TULP4: variants seen among roughly 807,000 people sequenced by gnomAD.
TULP4 encodes tubby-related protein 4.
In TULP4, 16 loss-of-function variants were observed where a neutral mutation model predicts 129.0. The observed-to-expected ratio is 0.12, with a 90% CI of 0.08 to 0.19. The LOEUF is 0.19. Ranked by LOEUF, TULP4 falls within the 10% of genes least tolerant of loss-of-function variation. The pLI is 1.00. For missense variants in TULP4, 1,842 were observed against 2,059.1 expected (o/e 0.89, Z 2.04); for synonymous variants, 998 against 854.0 (o/e 1.17, Z -2.94).
At chr6:158,383,401 G>T (rs560183745) in intron 1 of TULP4, among the ~76,000 whole-genome samples, 2 of 152,320 alleles carry the variant, frequency 1.3e-5, no homozygotes, top group South Asian at 4.1e-4. Context: ...ATAATGCAAT[G>T]ATAAAAGTAA....
intron 1 of TULP4, among the ~76,000 whole-genome samples, chr6:158,341,235 A>G (rs976037330): frequency 1.3e-5 from 2 of 152,130 alleles, no homozygotes; most frequent in African/African-American, 4.8e-5. Context: ...AATGTCCTCC[A>G]GTTCCATCCA....
chr6:158,295,736 A>G (rs1296161860), intron 1 of TULP4, among the ~76,000 whole-genome samples: 2 of 152,074 alleles, frequency 1.3e-5, no homozygotes, highest in African/African-American at 2.4e-5. Context: ...AAAAAATACA[A>G]AAAAATTAGC....
Position 158,429,909 on chromosome 6 carries a change from G to A in TULP4, c.543+12G>A. ...CTGACGACCAACAGGTAACACTTCT[G>A]AAATGTGGTGGGTGTGTGACGTTAA... On this transcript the variant is annotated intron_variant, in intron 3 of 13. Transcript: ENST00000367097. 1 of 1,612,630 alleles carries A rather than the reference G, an allele frequency of 6.2e-7. No homozygotes were observed.
intron 1 of TULP4, among the ~76,000 whole-genome samples, chr6:158,299,124 T>C (rs2128474670): frequency 6.6e-6 from 1 of 151,910 alleles, no homozygotes; most frequent in East Asian, 1.9e-4. Context: ...GGAGTATCCA[T>C]ACTAGGCCTC....
intron 4 of TULP4, among the ~76,000 whole-genome samples, chr6:158,449,758 C>G (rs1210368507): frequency 1.3e-5 from 2 of 152,120 alleles, no homozygotes; most frequent in Non-Finnish European, 2.9e-5. Context: ...GTTGAGTACT[C>G]TTGGTGGGGA....
intron 1 of TULP4, among the ~76,000 whole-genome samples, chr6:158,390,051 A>G (rs1777548973): frequency 6.6e-6 from 1 of 151,830 alleles, no homozygotes; most frequent in Admixed American, 6.6e-5. Flanking sequence ...AGCCTGGACG[A>G]CAGAGTGAGA....
In TULP4 at chr6:158,509,149, C is replaced by G. The variant is rs1780674885; in HGVS notation, c.*2455C>G. 1 of 152,016 alleles carries G rather than the reference C, an allele frequency of 6.6e-6. No homozygotes were observed. The highest frequency in any genetic ancestry group is 1.5e-5 in the Non-Finnish European group (1 of 68,024). 9.4% of individuals were successfully genotyped at this position (152,016 alleles called of 1,614,324 possible). ...AGGTGATCCGCCCGCCTCGGCCTCC[C>G]AAAGTGCTGGGATTACAGACGTGAG... On this transcript the variant is annotated 3_prime_UTR_variant, in exon 14 of 14. Transcript: ENST00000367097.
intron 1 of TULP4, among the ~76,000 whole-genome samples, chr6:158,302,454 A>G (rs994214987): frequency 2.0e-5 from 3 of 152,206 alleles, no homozygotes; most frequent in Non-Finnish European, 4.4e-5. Flanking sequence ...ATCAGTTACC[A>G]TCCTCCACTT....
chr6:158,362,247 C>T (rs1053087875), intron 1 of TULP4, among the ~76,000 whole-genome samples: 2 of 152,164 alleles, frequency 1.3e-5, no homozygotes, highest in African/African-American at 2.4e-5. Flanking sequence ...ATGGAAAACA[C>T]CAAACTTCTT....
intron 1 of TULP4, among the ~76,000 whole-genome samples, chr6:158,318,903 T>A (rs983642511): frequency 7.9e-4 from 3 of 3,780 alleles, no homozygotes; most frequent in Non-Finnish European, 1.2e-3. Flanking sequence ...TTACAAATTT[T>A]TTTTTTTTTT....
intron 1 of TULP4, among the ~76,000 whole-genome samples, chr6:158,381,510 A>G (rs926697104): frequency 5.9e-5 from 9 of 152,238 alleles, no homozygotes; most frequent in Non-Finnish European, 1.3e-4. Context: ...GTGAAAAACA[A>G]TTGGTTTTCA....
intron 1 of TULP4, among the ~76,000 whole-genome samples, chr6:158,250,612 T>C (rs1463130792): frequency 6.6e-6 from 1 of 152,234 alleles, no homozygotes; most frequent in African/African-American, 2.4e-5. Context: ...TCTGAGAGCC[T>C]TGGGATACCA....
intron 12 of TULP4, among the ~76,000 whole-genome samples, chr6:158,499,416 G>T (rs1367776319): frequency 6.6e-6 from 1 of 152,170 alleles, no homozygotes; most frequent in Non-Finnish European, 1.5e-5. Context: ...TTTTCAAATG[G>T]TAAATATCAA....
At chr6:158,450,996 C>T (rs1205046794) in intron 4 of TULP4, among the ~76,000 whole-genome samples, 1 of 151,986 alleles carries the variant, frequency 6.6e-6, no homozygotes, top group Admixed American at 6.6e-5. Context: ...ACCCGGGAGG[C>T]GGAGCCTGCA....
At chr6:158,323,743 G>A (rs932383822) in intron 1 of TULP4, among the ~76,000 whole-genome samples, 1 of 152,176 alleles carries the variant, frequency 6.6e-6, no homozygotes, top group Non-Finnish European at 1.5e-5. Flanking sequence ...GATCTGCATG[G>A]CAGGTTTCAA....
intron 7 of TULP4, among the ~76,000 whole-genome samples, 175 bp downstream of exon 7, chr6:158,480,150 C>A (rs1779907187): frequency 6.6e-6 from 1 of 152,202 alleles, no homozygotes; most frequent in Admixed American, 6.5e-5. Context: ...TGGTCCATGT[C>A]CATGAGAGAT....
chr6:158,379,857 G>C (rs569666734), intron 1 of TULP4, among the ~76,000 whole-genome samples: 1 of 152,258 alleles, frequency 6.6e-6, no homozygotes, highest in East Asian at 1.9e-4. Context: ...ATGGTAAGTG[G>C]GCAGTTTGAC....
chr6:158,397,133 C>T (rs768550438), intron 1 of TULP4, among the ~76,000 whole-genome samples: 2 of 152,184 alleles, frequency 1.3e-5, no homozygotes, highest in Non-Finnish European at 2.9e-5. Flanking sequence ...CCACCACCAG[C>T]AAGTGTCTGT....
intron 1 of TULP4, among the ~76,000 whole-genome samples, chr6:158,324,442 G>T (rs1779701515): frequency 6.6e-6 from 1 of 152,188 alleles, no homozygotes. Context: ...GAAGCTTCCT[G>T]CAGAGTCAGG....
Sources: allele counts gnomAD v4.1 joint callset (sites outside exome capture counted in the v4.1 genomes callset), GRCh38; gene constraint gnomAD v4.1.1; transcripts MANE v1.5; gene names NCBI Gene and HGNC (gene_info 2026-07-23, HGNC 2026-07-21).